SPTLC3: variants seen among roughly 807,000 people sequenced by gnomAD.
SPTLC3 encodes the protein serine palmitoyltransferase 3.
A neutral mutation model predicts 59.3 loss-of-function variants in SPTLC3; 36 were observed. The ratio of observed to expected loss-of-function variants is 0.61; its 90% CI spans 0.47 to 0.80. The LOEUF is 0.80. Among genes scored for constraint, SPTLC3 ranks in the 30% least tolerant of loss-of-function variants. The pLI is 0.00. For synonymous variants in SPTLC3, 257 were observed against 240.8 expected (o/e 1.07, Z -0.62); for missense variants, 625 against 685.1 (o/e 0.91, Z 0.98).
At chr20:13,018,929 T>G (rs535972257) in intron 1 of SPTLC3, among the ~76,000 whole-genome samples, 2 of 152,212 alleles carry the variant, frequency 1.3e-5, no homozygotes, top group South Asian at 4.1e-4. Flanking sequence ...GATTTGGAGT[T>G]CAAATTAACT....
intron 9 of SPTLC3, among the ~76,000 whole-genome samples, chr20:13,130,061 G>T (rs113043310): frequency 6.6e-6 from 1 of 152,174 alleles, no homozygotes; most frequent in African/African-American, 2.4e-5. Context: ...AGAAGAAAAA[G>T]AAAATTGACA....
intron 11 of SPTLC3, among the ~76,000 whole-genome samples, chr20:13,162,217 G>C (rs748964238): frequency 2.0e-5 from 3 of 152,182 alleles, no homozygotes; most frequent in Non-Finnish European, 2.9e-5. Context: ...CAGTGAAGAG[G>C]GGACCTTGCA....
chr20:13,095,124 G>T (rs1989367069), intron 6 of SPTLC3, among the ~76,000 whole-genome samples: 1 of 152,176 alleles, frequency 6.6e-6, no homozygotes, highest in Admixed American at 6.5e-5. Flanking sequence ...AATGCCTTTG[G>T]TATTAGCACA....
chr20:13,146,672 T>C (rs895415673), intron 9 of SPTLC3, among the ~76,000 whole-genome samples: 5 of 152,228 alleles, frequency 3.3e-5, no homozygotes, highest in African/African-American at 1.2e-4. Flanking sequence ...ATTTGATATC[T>C]GCCTTGCCTC....
chr20:13,011,739 T>TA (rs1183551060), intron 1 of SPTLC3, among the ~76,000 whole-genome samples: 1 of 151,766 alleles, frequency 6.6e-6, no homozygotes, highest in African/African-American at 2.4e-5. Context: ...TTTCCTGTTT[T>TA]TTTTTTTTCT....
chr20:13,146,042 CAG>C (rs1039088474), intron 9 of SPTLC3, among the ~76,000 whole-genome samples: 4 of 152,150 alleles, frequency 2.6e-5, no homozygotes, highest in African/African-American at 9.7e-5. Context: ...TTATCAATGA[CAG>C]ACTGAATAAA....
chr20:13,107,054 A>G (rs1989942326), intron 6 of SPTLC3, among the ~76,000 whole-genome samples: 1 of 152,212 alleles, frequency 6.6e-6, no homozygotes, highest in Non-Finnish European at 1.5e-5. Context: ...TGAGGTTCCC[A>G]TATTTGTCTA....
intron 9 of SPTLC3, among the ~76,000 whole-genome samples, chr20:13,131,809 C>T (rs992074001): frequency 6.6e-6 from 1 of 152,128 alleles, no homozygotes; most frequent in Admixed American, 6.5e-5. Context: ...GAAAAACTAA[C>T]TCATACCATG....
At chr20:13,016,744 A>G (rs953206905) in intron 1 of SPTLC3, among the ~76,000 whole-genome samples, 1 of 152,218 alleles carries the variant, frequency 6.6e-6, no homozygotes, top group Non-Finnish European at 1.5e-5. Context: ...ATTGAAAGAC[A>G]TCAAGCTCCA....
intron 2 of SPTLC3, among the ~76,000 whole-genome samples, chr20:13,052,192 TGGTTAGAC>T (rs1987523710): frequency 1.3e-5 from 2 of 152,124 alleles, no homozygotes; most frequent in Admixed American, 6.5e-5. Flanking sequence ...TCACTGGGAC[TGGTTAGAC>T]GGTTGGTGCA....
At chr20:13,159,844 G>A (rs2038856304) in intron 10 of SPTLC3, among the ~76,000 whole-genome samples, 159 bp from the exon 11 acceptor site, 1 of 151,618 alleles carries the variant, frequency 6.6e-6, no homozygotes, top group Non-Finnish European at 1.5e-5. Context: ...AATTTTATTT[G>A]ACAGAAGTTT....
At chr20:13,069,303 G>A (rs1418461634) in intron 2 of SPTLC3, among the ~76,000 whole-genome samples, 1 of 152,082 alleles carries the variant, frequency 6.6e-6, no homozygotes, top group South Asian at 2.1e-4. Context: ...GCACCTTTCT[G>A]GGCCTGATTC....
chr20:13,094,783 C>T (rs1375371118), intron 6 of SPTLC3, among the ~76,000 whole-genome samples: 1 of 152,098 alleles, frequency 6.6e-6, no homozygotes, highest in East Asian at 1.9e-4. Flanking sequence ...CTTACTGAGC[C>T]GCTTTCAGTA....
chr20:13,128,764 C>T (rs1048311416), intron 9 of SPTLC3, among the ~76,000 whole-genome samples: 33 of 151,798 alleles, frequency 2.2e-4, no homozygotes, highest in Non-Finnish European at 3.8e-4. Context: ...GATCTTGGCT[C>T]ACTACAACCT....
chr20:13,102,217 T>G (rs867957018), intron 6 of SPTLC3, among the ~76,000 whole-genome samples: 1 of 152,184 alleles, frequency 6.6e-6, no homozygotes, highest in Non-Finnish European at 1.5e-5. Flanking sequence ...TATATTTCAA[T>G]GTCCAACTTG....
intron 9 of SPTLC3, among the ~76,000 whole-genome samples, chr20:13,130,882 CA>C (rs1251292608): frequency 6.6e-6 from 1 of 152,206 alleles, no homozygotes. Context: ...TGTCATGACT[CA>C]ACTTCCCTCT....
rs376546284 is a variant in SPTLC3 at position 13,083,094 on chromosome 20, C to T, written c.608-7989C>T. 5.9e-5 allele frequency among the ~76,000 whole-genome samples: 9 copies of T among 152,150 alleles called. No homozygotes were observed. In the East Asian group the frequency reaches 9.6e-4, roughly 16 times the overall value. On this transcript the variant is annotated intron_variant, in intron 4 of 11. Coordinates refer to ENST00000399002, the MANE Select transcript of SPTLC3 (RefSeq NM_018327.4). Reference sequence around the variant, plus strand: ...AAGTCATTTCTGATCATCTTGACACCTGTGTTTCTTCTCATAGACAGGACA... The same window carrying T: ...AAGTCATTTCTGATCATCTTGACACTTGTGTTTCTTCTCATAGACAGGACA...
chr20:13,080,162 A>G (rs1988789038), intron 4 of SPTLC3, among the ~76,000 whole-genome samples: 1 of 152,156 alleles, frequency 6.6e-6, no homozygotes, highest in Non-Finnish European at 1.5e-5. Flanking sequence ...AAACCACCAA[A>G]AAAAAGAATA....
At chr20:13,038,060 A>ATATATATAT (rs1390602376) in intron 1 of SPTLC3, among the ~76,000 whole-genome samples, 14 of 148,568 alleles carry the variant, frequency 9.4e-5, no homozygotes, top group Admixed American at 2.0e-4. Context: ...ATATATATAT[A>ATATATATAT]ATATATCTTC....
Sources: gnomAD v4.1 joint callset for allele counts (sites outside exome capture counted in the v4.1 genomes callset) on GRCh38, gnomAD v4.1.1 for gene constraint, MANE v1.5 for transcripts, NCBI Gene and HGNC (gene_info 2026-07-23, HGNC 2026-07-21) for gene names.